PDE4A: variants seen among roughly 807,000 people sequenced by gnomAD.
PDE4A encodes the protein 3',5'-cyclic-AMP phosphodiesterase 4A.
A neutral mutation model predicts 73.9 loss-of-function variants in PDE4A; 21 were observed. The ratio of observed to expected loss-of-function variants is 0.28; its 90% CI spans 0.20 to 0.41. PDE4A has a LOEUF of 0.41. Among genes scored for constraint, PDE4A ranks in the 10% least tolerant of loss-of-function variants. The probability of loss-of-function intolerance (pLI) is 1.00; values close to 1 mark genes in which losing one functional copy is unlikely to be tolerated. For missense variants in PDE4A, 958 were observed against 1,211.4 expected (o/e 0.79, Z 3.10); for synonymous variants, 463 against 505.4 (o/e 0.92, Z 1.13).
intron 1 of PDE4A, among the ~76,000 whole-genome samples, chr19:10,433,147 G>A (rs1315117748): frequency 6.6e-6 from 1 of 152,012 alleles, no homozygotes; most frequent in Non-Finnish European, 1.5e-5. Flanking sequence ...CCTGCTCCAT[G>A]GTCTCTAACA....
upstream of PDE4A, chr19:10,420,404 C>T: frequency 1.0e-6 from 1 of 972,650 alleles, no homozygotes; most frequent in Non-Finnish European, 1.2e-6. This position sits in a 1 kb window ranked among gnomAD's most constrained non-coding sequence, Gnocchi z 6.0. Context: ...AGCTGCCCCC[C>T]GCTGGCCCGG....
upstream of PDE4A, chr19:10,418,874 T>C: frequency 1.0e-6 from 1 of 984,598 alleles, no homozygotes; most frequent in Non-Finnish European, 1.2e-6. Flanking sequence ...GCAAATTCCC[T>C]AGAAGCCGTT....
At position 10,450,585 on chromosome 19, in the gene PDE4A, A is replaced by ATTT. The variant is rs540629067; in HGVS notation, c.621-9_621-7dup. The stretch of plus-strand genomic sequence containing the variant: ...GGACCCAGGCTGACATTGCAGCCCC[A>ATTT]TTTTTTTTTTTCTGCAGGCGGTCCC... On this transcript the variant is annotated splice_polypyrimidine_tract_variant and intron_variant, in intron 4 of 14. Transcript: ENST00000380702. 12 of 1,375,670 alleles carry ATTT rather than the reference A, an allele frequency of 8.7e-6. No individual in the cohort carries two copies. The highest frequency in any genetic ancestry group is 4.1e-5 in the Admixed American group (2 of 48,896). 85.2% of individuals were successfully genotyped at this position (1,375,670 alleles called of 1,614,324 possible).
upstream of PDE4A, chr19:10,418,745 C>T (rs554907816): frequency 2.0e-6 from 2 of 985,322 alleles, no homozygotes; most frequent in Admixed American, 6.1e-5. Flanking sequence ...CCCCACCCAC[C>T]TCACATTACG....
rs1031639355 is a variant in PDE4A, at chr19:10,461,511, C to G, written c.1466-15C>G. On this transcript the variant is annotated splice_polypyrimidine_tract_variant and intron_variant, in intron 11 of 14. Coordinates refer to ENST00000380702, the MANE Select transcript of PDE4A (RefSeq NM_001111307.2). The stretch of plus-strand genomic sequence containing the variant: ...CACACGTGGGCCCTCCCCTGACCTC[C>G]GGGCTGGGCTGCAGATTCGGAGCTG... 2.5e-6 allele frequency: 4 copies of G among 1,612,944 alleles called. No homozygotes were observed. Among genetic ancestry groups the G allele is most frequent in the South Asian group, 1.1e-5 (1 of 91,026 alleles).
chr19:10,450,753 C>T lies in PDE4A; in HGVS notation c.671-76C>T, dbSNP rs540430926. On this transcript the variant is annotated intron_variant, in intron 5 of 14. Transcript: ENST00000380702. ...AGCAGTCCACTCACCTGGCGAACCC[C>T]GTCACGGCGGTCTGGAGCCTCTGGG... The T allele has an allele frequency of 3.5e-4, 553 of 1,578,704 alleles. 3 individuals are homozygous for T. The African/African-American group carries it at 5.4e-3, about 15-fold the overall frequency.
At chr19:10,418,971 G>A, upstream of PDE4A, 1 of 985,194 alleles carries the variant, frequency 1.0e-6, no homozygotes. Flanking sequence ...CTGATGGGGG[G>A]GCCGGTTTTT....
At chr19:10,451,171 GC>G (rs1568377301) in intron 6 of PDE4A, among the ~76,000 whole-genome samples, 1 of 152,034 alleles carries the variant, frequency 6.6e-6, no homozygotes, top group Non-Finnish European at 1.5e-5. Context: ...ACTAGGTTAG[GC>G]CTGTAGCCGA....
rs1363149342 is a variant in PDE4A at position 10,426,523 on chromosome 19, A to G, written c.320+5439A>G. On this transcript the variant is annotated intron_variant, in intron 1 of 14. Transcript: ENST00000380702. ...TGCCAAAAGATTGCACACCCTTGCC[A>G]TAGACACATTCCCTGCTGCCCTGAA... 3.3e-5 allele frequency among the ~76,000 whole-genome samples: 5 copies of G among 152,070 alleles called. No homozygotes were observed. The South Asian group carries it at 6.2e-4, about 19-fold the overall frequency.
At chr19:10,457,322 G>A (rs1755027497) in intron 7 of PDE4A, among the ~76,000 whole-genome samples, 1 of 151,716 alleles carries the variant, frequency 6.6e-6, no homozygotes, top group Non-Finnish European at 1.5e-5. Context: ...TCATTGACTA[G>A]CTAGCTCCAG....
intron 7 of PDE4A, among the ~76,000 whole-genome samples, chr19:10,457,556 C>A (rs1388627205): frequency 6.6e-6 from 1 of 151,906 alleles, no homozygotes; most frequent in African/African-American, 2.4e-5. Flanking sequence ...CAGAAAGGTT[C>A]CCTGGGTGTT....
chr19:10,427,841 A>G (rs986562667), intron 1 of PDE4A: 2 of 985,312 alleles, frequency 2.0e-6, no homozygotes, highest in Non-Finnish European at 2.4e-6. Flanking sequence ...GTGAACAAAA[A>G]TGCATTTCTG....
rs374481923 is a variant in PDE4A at position 10,443,169 on chromosome 19, T to C, written c.321-3049T>C. Among the ~76,000 whole-genome samples, 4 of 152,096 alleles carry C rather than the reference T, an allele frequency of 2.6e-5. No homozygotes were observed. The East Asian group carries it at 7.8e-4, about 29-fold the overall frequency. ...GCCTGGGCAACAGAGTGAGACCCCA[T>C]CACTAAATGATAAGCTGCAAACTTG... On this transcript the variant is annotated intron_variant, in intron 1 of 14. Coordinates refer to ENST00000380702, the MANE Select transcript of PDE4A (RefSeq NM_001111307.2).
At chr19:10,439,982 C>CTTTTTTTTTT (rs1162121051) in intron 1 of PDE4A, among the ~76,000 whole-genome samples, 1 of 114,042 alleles carries the variant, frequency 8.8e-6, no homozygotes. Flanking sequence ...ATGGTATCTC[C>CTTTTTTTTTT]TTTTTTTTTT....
intron 1 of PDE4A, among the ~76,000 whole-genome samples, chr19:10,429,329 T>C (rs2042758967): frequency 6.6e-6 from 1 of 151,304 alleles, no homozygotes; most frequent in Admixed American, 6.6e-5. Flanking sequence ...GAAAAGAAAA[T>C]AGAGATTCAC....
At chr19:10,418,365 C>G (rs975964272), upstream of PDE4A, among the ~76,000 whole-genome samples, 6 of 152,154 alleles carry the variant, frequency 3.9e-5, no homozygotes, top group Non-Finnish European at 1.5e-5. Flanking sequence ...GGTACCCAAC[C>G]AGTTTCCCAG....
At chr19:10,423,119 A>C (rs2145444992) in intron 1 of PDE4A, 1 of 978,170 alleles carries the variant, frequency 1.0e-6, no homozygotes, top group Non-Finnish European at 1.2e-6. Context: ...TCCTGCTGGC[A>C]TATGGAGAAA....
rs183094017 is a variant in PDE4A at position 10,425,965 on chromosome 19, C to T, written c.320+4881C>T. Among the ~76,000 whole-genome samples, 30 of 113,022 alleles carry T rather than the reference C, an allele frequency of 2.7e-4. No homozygotes were observed. In the Middle Eastern group the frequency reaches 0.025, roughly 93 times the overall value. 74.1% of individuals were successfully genotyped at this position (113,022 alleles called of 152,430 possible). ...TTGGGCCACTGCACTCCAGTCTGGG[C>T]GAGAGACTGAGACCCTGTCAAAAAA... On this transcript the variant is annotated intron_variant, in intron 1 of 14. Coordinates refer to ENST00000380702, the MANE Select transcript of PDE4A (RefSeq NM_001111307.2).
At chr19:10,430,834 GC>G in intron 1 of PDE4A, 1 of 1,136,854 alleles carries the variant, frequency 8.8e-7, no homozygotes. Context: ...AGGCGGGGCC[GC>G]CCCGCGGCCA....
Sources: allele counts gnomAD v4.1 joint callset (sites outside exome capture counted in the v4.1 genomes callset), GRCh38; gene constraint gnomAD v4.1.1; non-coding constraint Gnocchi (gnomAD v3.1); transcripts MANE v1.5; gene names NCBI Gene and HGNC (gene_info 2026-07-23, HGNC 2026-07-21).